The following SVEP1 variants were observed in gnomAD, a reference collection of about 807,000 sequenced individuals.
SVEP1 encodes the protein sushi, von Willebrand factor type A, EGF and pentraxin domain containing 1.
SVEP1 carries 164 observed loss-of-function variants against 367.3 expected under a neutral mutation model. That is an observed-to-expected ratio of 0.45 (90% CI 0.39 to 0.51). The LOEUF (loss-of-function observed/expected upper bound fraction) is 0.51. Ranked by LOEUF, SVEP1 falls within the 20% of genes least tolerant of loss-of-function variation. SVEP1 has a pLI of 0.00. For synonymous variants in SVEP1, 1,666 were observed against 1,611.6 expected (o/e 1.03, Z -0.81); for missense variants, 4,117 against 4,425.3 (o/e 0.93, Z 1.98).
At chr9:110,572,947 G>C (rs926823709) in intron 1 of SVEP1, among the ~76,000 whole-genome samples, 3 of 151,818 alleles carry the variant, frequency 2.0e-5, no homozygotes, top group African/African-American at 7.3e-5. Flanking sequence ...CTAAAGTTCT[G>C]ATAAGGTTGA....
intron 47 of SVEP1, 53 bp from the exon 48 acceptor site, chr9:110,366,613 G>A: frequency 6.7e-7 from 1 of 1,497,190 alleles, no homozygotes; most frequent in Non-Finnish European, 8.9e-7. Flanking sequence ...AAATTGAACT[G>A]AAGAGCTAAC....
chr9:110,410,050 C>G (rs1828023164), intron 37 of SVEP1, among the ~76,000 whole-genome samples: 1 of 105,018 alleles, frequency 9.5e-6, no homozygotes. Context: ...ACTCTATACC[C>G]TCTTCCAATT....
intron 40 of SVEP1, among the ~76,000 whole-genome samples, chr9:110,393,752 A>G (rs2182749): frequency 0.81 from 122,675 of 152,176 alleles, 49,585 homozygotes; most frequent in Middle Eastern, 0.87. Context: ...ACAGAGTCTC[A>G]CTCATTGCTA....
chr9:110,492,060 G>C lies in SVEP1; in HGVS notation c.1801-2281C>G, dbSNP rs1422257115. 2.0e-5 allele frequency among the ~76,000 whole-genome samples: 3 copies of C among 151,994 alleles called. No individual in the cohort carries two copies. In the East Asian group the frequency reaches 5.8e-4, roughly 29 times the overall value. ...ATTATCTTTCTCTTAGTCATTAAAT[G>C]CTAGTCTGGAAATAAAAGATGTTCT... On this transcript the variant is annotated intron_variant, in intron 8 of 47. Coordinates refer to ENST00000374469, the MANE Select transcript of SVEP1 (RefSeq NM_153366.4).
rs138816922 is a variant in SVEP1, at chr9:110,379,935, C to T, written c.10238-418G>A. ...TGTAGTACTGCATATTGTATCAGGG[C>T]TATTTTATTAATGCCTAGCATTTAT... On this transcript the variant is annotated intron_variant, in intron 43 of 47. Transcript: ENST00000374469. Among the ~76,000 whole-genome samples the T allele has an allele frequency of 3.2e-4, 49 of 152,224 alleles. 1 individual carries two copies. Among genetic ancestry groups the T allele is most frequent in the African/African-American group, 1.1e-3 (45 of 41,572 alleles).
At chr9:110,390,090 C>CATACATACTTATATAAGTATATAT (rs1827612153) in intron 40 of SVEP1, among the ~76,000 whole-genome samples, 14 of 98,876 alleles carry the variant, frequency 1.4e-4, no homozygotes, top group African/African-American at 4.6e-4. Flanking sequence ...TGTATATATA[C>CATACATACTTATATAAGTATATAT]ACATACATAC....
intron 1 of SVEP1, among the ~76,000 whole-genome samples, chr9:110,556,651 C>T (rs940971656): frequency 2.0e-5 from 3 of 152,148 alleles, no homozygotes; most frequent in South Asian, 2.1e-4. Context: ...CGTGCCACCA[C>T]GCCCAGCTAA....
At chr9:110,566,327 TAAA>T (rs1458144584) in intron 1 of SVEP1, among the ~76,000 whole-genome samples, 103 of 39,180 alleles carry the variant, frequency 2.6e-3, no homozygotes, top group African/African-American at 8.8e-3. Context: ...GTCTCCATAA[TAAA>T]TAAATAAATA....
chr9:110,409,029 A>C (rs1828003318), intron 37 of SVEP1, 78 bp from the exon 38 acceptor site: 6 of 1,457,364 alleles, frequency 4.1e-6, no homozygotes, highest in Admixed American at 2.4e-5. Context: ...GGATAGTGAA[A>C]AAAACTAAAA....
intron 27 of SVEP1, chr9:110,442,385 A>G (rs1828522047): frequency 6.6e-6 from 1 of 152,140 alleles, no homozygotes; most frequent in African/African-American, 2.4e-5. Context: ...CAAGTAGATC[A>G]ATTTTGGTTT....
At chr9:110,387,580 A>AAATATTAT in intron 41 of SVEP1, 122 bp from the exon 42 acceptor site, 1 of 1,092,676 alleles carries the variant, frequency 9.2e-7, no homozygotes, top group South Asian at 1.8e-5. Context: ...TCATGTGTGA[A>AAATATTAT]GCACAGTGAT....
chr9:110,512,438 T>C lies in SVEP1; in HGVS notation c.1303+488A>G, dbSNP rs72748890. Reference sequence around the variant, plus strand: ...TTCCATTGGTGGTGCCCACTTTCTATTGGCCTGAATAGGCTCCTTGGACTC... The same window carrying C: ...TTCCATTGGTGGTGCCCACTTTCTACTGGCCTGAATAGGCTCCTTGGACTC... On this transcript the variant is annotated intron_variant, in intron 5 of 47. Coordinates refer to ENST00000374469, the MANE Select transcript of SVEP1 (RefSeq NM_153366.4). Among the ~76,000 whole-genome samples, 937 of 152,230 alleles carry C rather than the reference T, an allele frequency of 6.2e-3. 5 individuals are homozygous for C. The highest frequency in any genetic ancestry group is 0.011 in the Non-Finnish European group (756 of 68,006).
Position 110,403,323 on chromosome 9 carries a change from T to TG in SVEP1, c.9666+1003dup, listed in dbSNP as rs1213020795. On this transcript the variant is annotated intron_variant, in intron 39 of 47. Transcript: ENST00000374469. ...TTTTTTTTTTTTTTTTTTTTTTTTT[T>TG]GACACGGAGTATTGCTCTGTTGCCA... Among the ~76,000 whole-genome samples the TG allele has an allele frequency of 2.1e-5, 3 of 145,400 alleles. 1 individual carries two copies.
chr9:110,579,271 C>T lies in SVEP1; in HGVS notation c.273G>A (p.Ser91=). Residue 91 remains serine (S), a synonymous_variant, in exon 1 of 48, where the codon TCG becomes TCA. Coordinates refer to ENST00000374469, the MANE Select transcript of SVEP1 (RefSeq NM_153366.4). This position sits in a 1 kb window ranked among gnomAD's most constrained non-coding sequence, Gnocchi z 5.3. ...RLELVFLVDD[S]SSVGEVNFRS... ...GGAAGTTGACTTCGCCCACGCTGGA[C>T]GAATCATCCACCAGGAAGACAAGCT... 1 of 1,572,992 alleles carries T rather than the reference C, an allele frequency of 6.4e-7. No individual in the cohort carries two copies. The highest frequency in any genetic ancestry group is 1.2e-5 in the South Asian group (1 of 85,702).
At chr9:110,550,483 T>A (rs915191393) in intron 1 of SVEP1, among the ~76,000 whole-genome samples, 1 of 81,302 alleles carries the variant, frequency 1.2e-5, no homozygotes, top group Non-Finnish European at 2.8e-5. Flanking sequence ...ACAAATTATC[T>A]ATCTATCTAT....
intron 6 of SVEP1, 113 bp from the exon 7 acceptor site, chr9:110,499,351 T>C (rs1829496848): frequency 1.1e-6 from 1 of 936,500 alleles, no homozygotes; most frequent in Non-Finnish European, 1.6e-6. Context: ...TTACGTAAAT[T>C]GCTAAATGAT....
intron 1 of SVEP1, among the ~76,000 whole-genome samples, chr9:110,568,725 G>A (rs1365602568): frequency 7.2e-5 from 11 of 152,140 alleles, no homozygotes; most frequent in Admixed American, 6.6e-5. Context: ...AAATTTAAGA[G>A]TTTATATCGA....
At chr9:110,516,142 A>ATCATTATAATAT (rs1564164989) in intron 3 of SVEP1, among the ~76,000 whole-genome samples, 241 of 149,686 alleles carry the variant, frequency 1.6e-3, no homozygotes, top group African/African-American at 5.6e-3. Context: ...AATATACTAA[A>ATCATTATAATAT]ACTAAAATAT....
chr9:110,575,925 T>C (rs1830622630), intron 1 of SVEP1, among the ~76,000 whole-genome samples: 1 of 152,150 alleles, frequency 6.6e-6, no homozygotes, highest in Admixed American at 6.5e-5. Context: ...CAATTTAAAA[T>C]GGGACTCCAT....
Sources: gnomAD v4.1 joint callset for allele counts (sites outside exome capture counted in the v4.1 genomes callset) on GRCh38, gnomAD v4.1.1 for gene constraint, Gnocchi (gnomAD v3.1) non-coding constraint, MANE v1.5 for transcripts, NCBI Gene and HGNC (gene_info 2026-07-23, HGNC 2026-07-21) for gene names.